Variants in GALNTL6 observed in about 807,000 individuals in gnomAD.
GALNTL6 encodes the protein polypeptide N-acetylgalactosaminyltransferase-like 6.
A neutral mutation model predicts 73.7 loss-of-function variants in GALNTL6; 46 were observed. The ratio of observed to expected loss-of-function variants is 0.62; its 90% confidence interval spans 0.49 to 0.80. The LOEUF (loss-of-function observed/expected upper bound fraction) is 0.80. GALNTL6 is among the 30% of genes least tolerant of loss of function. GALNTL6 has a pLI of 0.00. For synonymous variants in GALNTL6, 259 were observed against 263.7 expected, an observed-to-expected ratio of 0.98 and a Z score of 0.17; for missense variants, 604 against 755.0, an observed-to-expected ratio of 0.80 and a Z score of 2.34.
At chr4:172,655,145 A>G (rs1730912625) in intron 5 of GALNTL6, among the ~76,000 whole-genome samples, 1 of 152,208 alleles carries the variant, frequency 6.6e-6, no homozygotes, top group South Asian at 2.1e-4. Flanking sequence ...AGGAATTTGA[A>G]GAAAATGTCT....
intron 7 of GALNTL6, among the ~76,000 whole-genome samples, chr4:172,861,387 A>T (rs779483623): frequency 1.1e-4 from 17 of 151,408 alleles, no homozygotes; most frequent in Non-Finnish European, 2.2e-4. Context: ...ATTTCAAAGC[A>T]TCTACCCTGA....
chr4:172,680,951 A>G (rs1288529457), intron 5 of GALNTL6, among the ~76,000 whole-genome samples: 1 of 152,200 alleles, frequency 6.6e-6, no homozygotes, highest in African/African-American at 2.4e-5. Context: ...CAACAGAGTC[A>G]AAAACAGAAT....
intron 8 of GALNTL6, among the ~76,000 whole-genome samples, chr4:172,922,056 T>A (rs1747822036): frequency 6.6e-6 from 1 of 152,134 alleles, no homozygotes; most frequent in Non-Finnish European, 1.5e-5. Context: ...GGCTGGTCTT[T>A]CCCATGCTAT....
chr4:171,923,786 C>CTCTGTGTGTGTGTGTG lies in GALNTL6; in HGVS notation c.138+109069_138+109070insCTGTGTGTGTGTGTGT, dbSNP rs1189195927. Among the ~76,000 whole-genome samples, 100 of 133,290 alleles carry CTCTGTGTGTGTGTGTG rather than the reference C, an allele frequency of 7.5e-4. 2 individuals carry two copies. The highest frequency in any genetic ancestry group is 2.7e-3 in the African/African-American group (93 of 34,268). 87.4% of individuals were successfully genotyped at this position (133,290 alleles called of 152,430 possible). A position where few individuals can be genotyped will look rare whatever the true frequency, so the allele number is the denominator to read the frequency against. ...CTACCAGGACACACAAAAAGTATTG[C>CTCTGTGTGTGTGTGTG]TGTGTGTGTGTGTGTGTGTGTGTGT... On this transcript the variant is annotated intron_variant, in intron 2 of 12. Coordinates refer to ENST00000506823, the MANE Select transcript of GALNTL6 (RefSeq NM_001034845.3).
chr4:171,911,800 T>C (rs2110963288), intron 2 of GALNTL6, among the ~76,000 whole-genome samples: 1 of 152,310 alleles, frequency 6.6e-6, no homozygotes, highest in Non-Finnish European at 1.5e-5. Context: ...TTATGGATAA[T>C]ATTAAATGGT....
At chr4:172,466,800 G>C (rs1732838163) in intron 5 of GALNTL6, among the ~76,000 whole-genome samples, 2 of 152,160 alleles carry the variant, frequency 1.3e-5, no homozygotes, top group South Asian at 4.1e-4. Context: ...TGAGACTTTA[G>C]ATAACTAGTG....
chr4:172,007,452 A>G (rs1339454370), intron 2 of GALNTL6, among the ~76,000 whole-genome samples: 1 of 152,056 alleles, frequency 6.6e-6, no homozygotes, highest in East Asian at 1.9e-4. Context: ...CAGCGATGAC[A>G]AAAAAAGAAT....
At chr4:172,562,546 C>T (rs1736412763) in intron 5 of GALNTL6, among the ~76,000 whole-genome samples, 1 of 152,122 alleles carries the variant, frequency 6.6e-6, no homozygotes, top group African/African-American at 2.4e-5. Flanking sequence ...TGTTGTCCCT[C>T]AAAAAATCAG....
chr4:171,892,046 TA>T (rs1457970812), intron 2 of GALNTL6, among the ~76,000 whole-genome samples: 2 of 152,194 alleles, frequency 1.3e-5, no homozygotes, highest in Non-Finnish European at 2.9e-5. Context: ...ATGTGACAGA[TA>T]ACAGTCAAAT....
intron 5 of GALNTL6, among the ~76,000 whole-genome samples, chr4:172,570,588 G>T (rs948472670): frequency 1.3e-5 from 2 of 152,050 alleles, no homozygotes; most frequent in East Asian, 3.9e-4. Context: ...GAGAAAATAA[G>T]TTTTCATTGT....
intron 4 of GALNTL6, among the ~76,000 whole-genome samples, chr4:172,315,779 T>C (rs1376306125): frequency 6.6e-6 from 1 of 150,466 alleles, no homozygotes; most frequent in Admixed American, 6.6e-5. Context: ...CTCGGTGGCC[T>C]GGTTTTATTT....
intron 5 of GALNTL6, among the ~76,000 whole-genome samples, chr4:172,693,720 A>C (rs1733470229): frequency 6.6e-6 from 1 of 152,152 alleles, no homozygotes; most frequent in Non-Finnish European, 1.5e-5. Context: ...TTGGGAAGCT[A>C]AGGACAGCCA....
At chr4:172,672,053 G>T (rs1732016589) in intron 5 of GALNTL6, among the ~76,000 whole-genome samples, 1 of 152,038 alleles carries the variant, frequency 6.6e-6, no homozygotes, top group African/African-American at 2.4e-5. Context: ...ACCAGGCCTG[G>T]CTGATTTTTG....
At chr4:171,832,328 G>C (rs1309951466) in intron 2 of GALNTL6, among the ~76,000 whole-genome samples, 1 of 150,856 alleles carries the variant, frequency 6.6e-6, no homozygotes, top group East Asian at 1.9e-4. Context: ...ACTTTAAATT[G>C]GGCAGGATAT....
chr4:172,442,773 A>T (rs565268726), intron 5 of GALNTL6, among the ~76,000 whole-genome samples: 1 of 152,262 alleles, frequency 6.6e-6, no homozygotes, highest in East Asian at 1.9e-4. Context: ...TATCAGTATG[A>T]TGTGCTATTT....
rs149884447 is a variant in GALNTL6, at chr4:173,009,228, C to T, written c.1422C>T (p.Thr474=). The part of the protein sequence containing the change: ...NLCVDSKHGA[T]GTELRLDICV... ...GTGTGGACAGCAAGCATGGAGCCAC[C>T]GGAACAGAGCTGAGGCTGGACATCT... is the stretch of plus-strand genomic sequence containing the variant. Residue 474 remains threonine, a synonymous_variant, in exon 11 of 13, where the codon ACC becomes ACT. Coordinates refer to ENST00000506823, the MANE Select transcript of GALNTL6 (RefSeq NM_001034845.3). 316 of 1,613,974 alleles carry T rather than the reference C, an allele frequency of 2.0e-4. 3 individuals carry two copies. In the East Asian group the frequency reaches 4.8e-3, roughly 25 times the overall value.
intron 5 of GALNTL6, among the ~76,000 whole-genome samples, chr4:172,714,673 A>G (rs967798191): frequency 6.6e-6 from 1 of 152,182 alleles, no homozygotes; most frequent in Non-Finnish European, 1.5e-5. Context: ...GTTTTAGGGT[A>G]CATGTGCAGA....
intron 11 of GALNTL6, among the ~76,000 whole-genome samples, chr4:173,009,891 G>A (rs1480739748): frequency 6.6e-6 from 1 of 152,136 alleles, no homozygotes; most frequent in African/African-American, 2.4e-5. Flanking sequence ...GCACATAGTA[G>A]GTGTATATAT....
At chr4:172,832,112 A>T (rs1321811289) in intron 7 of GALNTL6, among the ~76,000 whole-genome samples, 1 of 152,120 alleles carries the variant, frequency 6.6e-6, no homozygotes, top group East Asian at 1.9e-4. Context: ...TAGATTTGTC[A>T]TCTTGAGGAA....
Sources: gnomAD v4.1 joint callset for allele counts (sites outside exome capture counted in the v4.1 genomes callset) on GRCh38, gnomAD v4.1.1 for gene constraint, MANE v1.5 for transcripts, NCBI Gene and HGNC (gene_info 2026-07-23, HGNC 2026-07-21) for gene names.